Variants in UGT2A2 observed in about 807,000 individuals in gnomAD.
UGT2A2 encodes UDP glucuronosyltransferase family 2 member A2.
In UGT2A2, 60 loss-of-function variants were observed where a neutral mutation model predicts 50.7. That is an observed-to-expected ratio of 1.18 (90% CI 0.96 to 1.47). UGT2A2 has a LOEUF of 1.47. Among genes scored for constraint, UGT2A2 ranks in the 40% most tolerant of loss-of-function variants. The pLI, the probability that UGT2A2 is intolerant of heterozygous loss-of-function variation, is 0.00. For missense variants in UGT2A2, 762 were observed against 634.0 expected (o/e 1.20, Z -2.17); for synonymous variants, 242 against 214.6 (o/e 1.13, Z -1.11).
At chr4:69,611,529 A>G (rs1720048516) in intron 1 of UGT2A2, among the ~76,000 whole-genome samples, 1 of 152,140 alleles carries the variant, frequency 6.6e-6, no homozygotes, top group Non-Finnish European at 1.5e-5. Context: ...GAGTAATGCT[A>G]CATGATATAG....
chr4:69,612,618 A>G (rs1213110441), intron 1 of UGT2A2, among the ~76,000 whole-genome samples: 2 of 152,056 alleles, frequency 1.3e-5, no homozygotes, highest in Non-Finnish European at 2.9e-5. Context: ...GACAAAAACA[A>G]GAAATAGGGA....
At chr4:69,614,454 A>G (rs1322824756) in intron 1 of UGT2A2, among the ~76,000 whole-genome samples, 1 of 124,840 alleles carries the variant, frequency 8.0e-6, no homozygotes, top group Non-Finnish European at 1.7e-5. Flanking sequence ...TTCTTCACAA[A>G]TTAAAAAATA....
chr4:69,634,140 G>C (rs1354814710), intron 1 of UGT2A2, among the ~76,000 whole-genome samples: 1 of 152,036 alleles, frequency 6.6e-6, no homozygotes, highest in African/African-American at 2.4e-5. Flanking sequence ...AGCTACTCCG[G>C]AGGCTGAGGC....
At chr4:69,593,956 A>C (rs981285681) in intron 5 of UGT2A2, among the ~76,000 whole-genome samples, 2 of 150,828 alleles carry the variant, frequency 1.3e-5, no homozygotes, top group Admixed American at 6.6e-5. Flanking sequence ...TATTGAAATA[A>C]TATTTGAAGT....
chr4:69,607,644 G>A (rs78359195), intron 1 of UGT2A2, among the ~76,000 whole-genome samples: 35,319 of 151,848 alleles, frequency 0.23, 4,284 homozygotes, highest in Middle Eastern at 0.32. Context: ...CCTACAGAAT[G>A]GGAGAAAATT....
chr4:69,597,839 G>A (rs534039694), intron 2 of UGT2A2, among the ~76,000 whole-genome samples: 4 of 152,106 alleles, frequency 2.6e-5, no homozygotes, highest in Non-Finnish European at 4.4e-5. Flanking sequence ...AGTGATTGGC[G>A]TAATTATTTC....
chr4:69,628,627 C>T (rs1721220406), intron 1 of UGT2A2, among the ~76,000 whole-genome samples: 1 of 150,508 alleles, frequency 6.6e-6, no homozygotes, highest in Admixed American at 6.7e-5. Context: ...ACTTAGAAAA[C>T]AGAACTTTTT....
At chr4:69,626,029 A>C (rs1721037031) in intron 1 of UGT2A2, among the ~76,000 whole-genome samples, 1 of 151,560 alleles carries the variant, frequency 6.6e-6, no homozygotes, top group Non-Finnish European at 1.5e-5. Flanking sequence ...TCTATCATGT[A>C]TGTCATGACT....
Position 69,603,973 on chromosome 4 carries a change from A to G in UGT2A2, c.743-4579T>C, listed in dbSNP as rs1267247104. 1.5e-5 allele frequency among the ~76,000 whole-genome samples: 2 copies of G among 136,774 alleles called. 1 individual carries two copies. The highest frequency in any genetic ancestry group is 3.1e-5 in the Non-Finnish European group (2 of 64,258). The allele number at this position is 136,774 out of a possible 152,430, so 89.7% of individuals were successfully genotyped here. A position where few individuals can be genotyped will look rare whatever the true frequency, so the allele number is the denominator to read the frequency against. On this transcript the variant is annotated intron_variant, in intron 1 of 5. Coordinates refer to ENST00000604629, the MANE Select transcript of UGT2A2 (RefSeq NM_001105677.2). ...ACCTGAAAGTGATGGGGAGAATGGA[A>G]CCAAGTTGGAAAACACTCTGCAGGA...
At chr4:69,606,636 C>T (rs1237816657) in intron 1 of UGT2A2, among the ~76,000 whole-genome samples, 1 of 136,894 alleles carries the variant, frequency 7.3e-6, no homozygotes, top group Non-Finnish European at 1.6e-5. Flanking sequence ...CAAATTGTCC[C>T]TGTTTGCAGT....
intron 1 of UGT2A2, among the ~76,000 whole-genome samples, chr4:69,610,078 A>T (rs1047913113): frequency 1.3e-5 from 2 of 152,174 alleles, no homozygotes; most frequent in Non-Finnish European, 2.9e-5. Flanking sequence ...TGGAAGAATC[A>T]TGTTTCTAAT....
chr4:69,596,883 T>C lies in UGT2A2; in HGVS notation c.892-502A>G, dbSNP rs184844215. On this transcript the variant is annotated intron_variant, in intron 2 of 5. Coordinates refer to ENST00000604629, the MANE Select transcript of UGT2A2 (RefSeq NM_001105677.2). ...ATGTATAACTTAAATATATAATCAGTGATTACAAGTCCAAGCATGAAAGCA... is the reference window on the plus strand; with the variant it reads ...ATGTATAACTTAAATATATAATCAGCGATTACAAGTCCAAGCATGAAAGCA... Among the ~76,000 whole-genome samples, 6 of 152,270 alleles carry C rather than the reference T, an allele frequency of 3.9e-5. 1 individual carries two copies. Among genetic ancestry groups the C allele is most frequent in the African/African-American group, 1.4e-4 (6 of 41,558 alleles).
intron 5 of UGT2A2, among the ~76,000 whole-genome samples, chr4:69,591,621 T>C (rs1165220909): frequency 6.6e-6 from 1 of 152,158 alleles, no homozygotes; most frequent in African/African-American, 2.4e-5. Context: ...TTTCCCATCA[T>C]GGCCTGAAAC....
At chr4:69,625,057 T>G (rs1456062276) in intron 1 of UGT2A2, among the ~76,000 whole-genome samples, 1 of 151,300 alleles carries the variant, frequency 6.6e-6, no homozygotes, top group African/African-American at 2.4e-5. Context: ...TTAAATTTGC[T>G]GGGAATATAT....
Position 69,596,354 on chromosome 4 carries a change from C to T in UGT2A2, c.919G>A (p.Gly307Ser). Residue 307 changes from glycine (G) to serine (S), a missense_variant, in exon 3 of 6, where the codon GGT becomes AGT. Gly to Ser is a moderately conservative substitution (Grantham distance 56). Coordinates refer to ENST00000604629, the MANE Select transcript of UGT2A2 (RefSeq NM_001105677.2). ...GAAAACACCACAACACCATTTTTACCTGAGCTCTGGATAAATTCTTCCATT... is the reference window on the plus strand; with the variant it reads ...GAAAACACCACAACACCATTTTTACTTGAGCTCTGGATAAATTCTTCCATT... Reference protein sequence around the residue: ...KEMEEFIQSSGKNGVVVFSLG... With the variant: ...KEMEEFIQSSSKNGVVVFSLG... 6.2e-7 allele frequency: 1 copy of T among 1,602,532 alleles called. No homozygotes were observed. Among genetic ancestry groups the T allele is most frequent in the Non-Finnish European group, 8.5e-7 (1 of 1,173,592 alleles).
At chr4:69,621,138 A>C (rs1385145296) in intron 1 of UGT2A2, among the ~76,000 whole-genome samples, 1 of 152,076 alleles carries the variant, frequency 6.6e-6, no homozygotes, top group African/African-American at 2.4e-5. Flanking sequence ...ACAAAAGCAA[A>C]ATTTGACAAA....
chr4:69,617,668 G>A (rs1012515052), intron 1 of UGT2A2, among the ~76,000 whole-genome samples: 1 of 151,216 alleles, frequency 6.6e-6, no homozygotes, highest in Non-Finnish European at 1.5e-5. Flanking sequence ...CAACATACAG[G>A]GTCCATTAAG....
rs143026062 is a variant in UGT2A2, at chr4:69,589,397, A to G, written c.1586T>C (p.Ile529Thr). Residue 529 changes from isoleucine to threonine, a missense_variant, in exon 6 of 6, where the codon ATA (isoleucine) becomes ACA (threonine). Physicochemically the swap from Ile to Thr is moderately conservative, Grantham distance 89. Transcript: ENST00000604629. ...CTATTCTCTTTTTTTCTTCTTTCCT[A>G]TCTTACCAAATTTTTGACAGGAAAA... ...CLFSCQKFGK[I>T]GKKKKRE The G allele has an allele frequency of 1.9e-6, 3 of 1,612,928 alleles. No individual in the cohort carries two copies. The highest frequency in any genetic ancestry group is 1.7e-5 in the Admixed American group (1 of 59,808).
chr4:69,637,869 T>C (rs1385067937), intron 1 of UGT2A2, among the ~76,000 whole-genome samples: 1 of 135,452 alleles, frequency 7.4e-6, no homozygotes, highest in Non-Finnish European at 1.6e-5. Flanking sequence ...CAAGAGAGAA[T>C]GAAGGAAGAA....
Sources: allele counts gnomAD v4.1 joint callset (sites outside exome capture counted in the v4.1 genomes callset), GRCh38; gene constraint gnomAD v4.1.1; transcripts MANE v1.5; gene names NCBI Gene and HGNC (gene_info 2026-07-23, HGNC 2026-07-21).